Variants in GPR139 observed in about 807,000 individuals in gnomAD.
GPR139 encodes the protein probable G protein-coupled receptor 139.
In GPR139, 12 loss-of-function variants were observed where a neutral mutation model predicts 25.8. That is an observed-to-expected ratio of 0.47 (90% CI 0.30 to 0.75). The LOEUF is 0.75. Among genes scored for constraint, GPR139 ranks in the 30% least tolerant of loss-of-function variants. The pLI, the probability that GPR139 is intolerant of heterozygous loss-of-function variation, is 0.07. For missense variants in GPR139, 380 were observed against 450.2 expected, an observed-to-expected ratio of 0.84 and a Z score of 1.41; for synonymous variants, 184 against 179.9, an observed-to-expected ratio of 1.02 and a Z score of -0.18.
intron 1 of GPR139, among the ~76,000 whole-genome samples, chr16:20,046,330 A>G (rs1049632439): frequency 6.6e-6 from 1 of 152,348 alleles, no homozygotes; most frequent in South Asian, 2.1e-4. Context: ...ATAGACAAAC[A>G]CACAAGTGGT....
chr16:20,050,295 CA>C (rs2057367661), intron 1 of GPR139, among the ~76,000 whole-genome samples: 1 of 152,092 alleles, frequency 6.6e-6, no homozygotes, highest in African/African-American at 2.4e-5. Flanking sequence ...ACGAAATGTG[CA>C]AAGGCCAAGA....
intron 1 of GPR139, chr16:20,070,848 T>C: frequency 1.6e-6 from 1 of 616,418 alleles, no homozygotes; most frequent in African/African-American, 2.0e-5. Flanking sequence ...AGTTTGCTAA[T>C]TGCTGGTGGC....
At chr16:20,054,063 G>T (rs551747662) in intron 1 of GPR139, among the ~76,000 whole-genome samples, 10 of 152,286 alleles carry the variant, frequency 6.6e-5, no homozygotes, top group Non-Finnish European at 5.9e-5. Context: ...GAGGGCAGAT[G>T]TGTGTCAGTC....
intron 1 of GPR139, among the ~76,000 whole-genome samples, chr16:20,052,662 T>G (rs375299632): frequency 6.6e-6 from 1 of 151,576 alleles, no homozygotes; most frequent in East Asian, 2.0e-4. Flanking sequence ...CCGGGCGTGG[T>G]GGCGGGCACC....
At chr16:20,053,199 A>G (rs1416789681) in intron 1 of GPR139, among the ~76,000 whole-genome samples, 3 of 152,152 alleles carry the variant, frequency 2.0e-5, no homozygotes, top group Non-Finnish European at 4.4e-5. Context: ...CACTTGTTAG[A>G]CTTCTATAAG....
In GPR139 at chr16:20,031,596, C is replaced by T. The variant is rs1208527484; in HGVS notation, c.*139G>A. 1 of 671,312 alleles carries T rather than the reference C, an allele frequency of 1.5e-6. No individual in the cohort carries two copies. Among genetic ancestry groups the T allele is most frequent in the Non-Finnish European group, 2.7e-6 (1 of 375,324 alleles). The allele number at this position is 671,312 out of a possible 1,614,324, so 41.6% of individuals were successfully genotyped here. On this transcript the variant is annotated 3_prime_UTR_variant, in exon 2 of 2. Coordinates refer to ENST00000570682, the MANE Select transcript of GPR139 (RefSeq NM_001002911.4). The stretch of plus-strand genomic sequence containing the variant: ...CTTCTCTTCCATCTCTTCTCATCTA[C>T]CAGTCTGAGAATTGCCCAGTCTGCG...
At chr16:20,048,965 C>T (rs1044605025) in intron 1 of GPR139, among the ~76,000 whole-genome samples, 3 of 152,218 alleles carry the variant, frequency 2.0e-5, no homozygotes, top group Non-Finnish European at 4.4e-5. Context: ...CCTTCCCCAC[C>T]CACAATCCTT....
chr16:20,028,710 A>G lies in GPR139; in HGVS notation c.*3025T>C, dbSNP rs2057276370. On this transcript the variant is annotated 3_prime_UTR_variant, in exon 2 of 2. Coordinates refer to ENST00000570682, the MANE Select transcript of GPR139 (RefSeq NM_001002911.4). ...TTCCCCTCATTTCCTTCCCCATGAG[A>G]CATTTCAGCCGTCAAGTTGTTCAAT... Among the ~76,000 whole-genome samples, 2 of 152,174 alleles carry G rather than the reference A, an allele frequency of 1.3e-5. No individual in the cohort carries two copies. The highest frequency in any genetic ancestry group is 6.5e-5 in the Admixed American group (1 of 15,278).
intron 1 of GPR139, among the ~76,000 whole-genome samples, chr16:20,071,223 GGATTA>G (rs1179890791): frequency 6.6e-6 from 1 of 152,172 alleles, no homozygotes; most frequent in Non-Finnish European, 1.5e-5. Flanking sequence ...AGCAGAATCT[GGATTA>G]ACATTCACTC....
At chr16:20,067,255 T>A (rs2057437893) in intron 1 of GPR139, among the ~76,000 whole-genome samples, 1 of 152,194 alleles carries the variant, frequency 6.6e-6, no homozygotes, top group Non-Finnish European at 1.5e-5. Flanking sequence ...ATCATTGGTC[T>A]ATGCTCATGT....
Position 20,031,928 on chromosome 16 carries a change from T to C in GPR139, c.869A>G (p.Lys290Arg). Residue 290 changes from lysine (K) to arginine (R), a missense_variant, in exon 2 of 2, where the codon AAG (lysine) becomes AGG (arginine). By Grantham distance (26) the Lys-to-Arg change is conservative (BLOSUM62 2). Coordinates refer to ENST00000570682, the MANE Select transcript of GPR139 (RefSeq NM_001002911.4). The part of the protein sequence containing the change: ...INFFLYCFIS[K>R]RFRTMAAATL... ...GGCGGCTGCCATGGTGCGGAACCGC[T>C]TGCTGATGAAGCAGTAGAGGAAGAA... 6.2e-7 allele frequency: 1 copy of C among 1,614,204 alleles called. No individual in the cohort carries two copies. The highest frequency in any genetic ancestry group is 8.5e-7 in the Non-Finnish European group (1 of 1,180,046).
At chr16:20,051,062 CAAA>C (rs3041359) in intron 1 of GPR139, among the ~76,000 whole-genome samples, 2 of 121,390 alleles carry the variant, frequency 1.6e-5, no homozygotes, top group Admixed American at 9.0e-5. Context: ...GACCCTGTTT[CAAA>C]AAAAAAAAAA....
At chr16:20,037,936 C>T (rs2057315902) in intron 1 of GPR139, among the ~76,000 whole-genome samples, 1 of 152,190 alleles carries the variant, frequency 6.6e-6, no homozygotes, top group Admixed American at 6.5e-5. Flanking sequence ...TCTCGGCTCA[C>T]TGCAACCTCC....
intron 1 of GPR139, among the ~76,000 whole-genome samples, chr16:20,037,270 G>T (rs2141201898): frequency 6.6e-6 from 1 of 152,112 alleles, no homozygotes; most frequent in South Asian, 2.1e-4. Flanking sequence ...TGGCCAACAT[G>T]GTGAAACCCC....
chr16:20,073,711 A>T lies in GPR139; in HGVS notation c.-95T>A. The T allele has an allele frequency of 7.1e-7, 1 of 1,415,982 alleles. No homozygotes were observed. Among genetic ancestry groups the T allele is most frequent in the Non-Finnish European group, 9.3e-7 (1 of 1,069,926 alleles). The allele number at this position is 1,415,982 out of a possible 1,614,324, so 87.7% of individuals were successfully genotyped here. On this transcript the variant is annotated 5_prime_UTR_variant, in exon 1 of 2. Coordinates refer to ENST00000570682, the MANE Select transcript of GPR139 (RefSeq NM_001002911.4). The surrounding 1 kb of genome is among the most constrained non-coding windows in gnomAD (Gnocchi z 4.7). ...TGGTGGCGGCGGCGGAGGCAGCGGC[A>T]GCTGGAGCAGCAGCGCCTCTCTCCC...
Position 20,073,254 on chromosome 16 carries a change from A to T in GPR139, c.127+236T>A, listed in dbSNP as rs908572022. Among the ~76,000 whole-genome samples, 3 of 54,214 alleles carry T rather than the reference A, an allele frequency of 5.5e-5. No homozygotes were observed. The highest frequency in any genetic ancestry group is 1.5e-4 in the Admixed American group (1 of 6,652). The allele number at this position is 54,214 out of a possible 152,430, so 35.6% of individuals were successfully genotyped here. A position where few individuals can be genotyped will look rare whatever the true frequency, so the allele number is the denominator to read the frequency against. On this transcript the variant is annotated intron_variant, in intron 1 of 1. Coordinates refer to ENST00000570682, the MANE Select transcript of GPR139 (RefSeq NM_001002911.4). This position sits in a 1 kb window ranked among gnomAD's most constrained non-coding sequence, Gnocchi z 4.7. ...CCCATCGCCCGCCGTCACAGTCATCACACACACACACACACACACACACAC... is the reference window on the plus strand; with the variant it reads ...CCCATCGCCCGCCGTCACAGTCATCTCACACACACACACACACACACACAC...
In GPR139 at chr16:20,056,609, A is replaced by G. The variant is rs186081077; in HGVS notation, c.127+16881T>C. ...GTTTCATAATGGATGAGCTCTTTGT[A>G]AATTTTAATTCACTTTGCACATTGG... is the stretch of plus-strand genomic sequence containing the variant. On this transcript the variant is annotated intron_variant, in intron 1 of 1. Transcript: ENST00000570682. 4.8e-4 allele frequency among the ~76,000 whole-genome samples: 73 copies of G among 152,338 alleles called. No individual in the cohort carries two copies. In the East Asian group the frequency reaches 0.013, roughly 28 times the overall value.
intron 1 of GPR139, among the ~76,000 whole-genome samples, chr16:20,061,988 C>T (rs1367621583): frequency 6.6e-6 from 1 of 152,188 alleles, no homozygotes. Context: ...GCATTGTAGG[C>T]CAGGTGCAGG....
rs1236950132 is a variant in GPR139, at chr16:20,031,774, C to T, written c.1023G>A (p.Gln341=). Residue 341 remains glutamine (Q), a synonymous_variant, in exon 2 of 2, where the codon CAG becomes CAA. Coordinates refer to ENST00000570682, the MANE Select transcript of GPR139 (RefSeq NM_001002911.4). ...TTATAGGTTTTCCATTTTTGTCATA[C>T]TGGTACACCAGCATCTTGATGCAGT... The part of the protein sequence containing the change: ...NSHCIKMLVY[Q]YDKNGKPIKV... The T allele has an allele frequency of 6.2e-7, 1 of 1,614,164 alleles. No homozygotes were observed. The highest frequency in any genetic ancestry group is 1.7e-5 in the Admixed American group (1 of 60,016).
Sources: gnomAD v4.1 joint callset for allele counts (sites outside exome capture counted in the v4.1 genomes callset) on GRCh38, gnomAD v4.1.1 for gene constraint, Gnocchi (gnomAD v3.1) non-coding constraint, MANE v1.5 for transcripts, NCBI Gene and HGNC (gene_info 2026-07-23, HGNC 2026-07-21) for gene names.